ERG: variants seen among roughly 807,000 people sequenced by gnomAD.
The protein encoded by ERG is transcriptional regulator ERG.
Under a neutral mutation model 55.3 loss-of-function variants are expected in ERG, and 9 were observed. That is an observed-to-expected ratio of 0.16 (90% CI 0.10 to 0.28). The LOEUF (loss-of-function observed/expected upper bound fraction) is 0.28. ERG is among the 10% of genes least tolerant of loss of function. The pLI, the probability that ERG is intolerant of heterozygous loss-of-function variation, is 1.00. For missense variants in ERG, 434 were observed against 631.6 expected (o/e 0.69, Z 3.35); for synonymous variants, 223 against 237.3 (o/e 0.94, Z 0.55).
chr21:38,660,297 C>T (rs2060544413), intron 1 of ERG, among the ~76,000 whole-genome samples: 2 of 152,238 alleles, frequency 1.3e-5, no homozygotes, highest in African/African-American at 4.8e-5. Flanking sequence ...TTGTCAATTT[C>T]GGGGTGCCCC....
rs75897329 is a variant in ERG at position 38,659,972 on chromosome 21, A to G, written c.-150+1686T>C. 8.9e-3 allele frequency among the ~76,000 whole-genome samples: 1,356 copies of G among 152,326 alleles called. 18 individuals carry two copies. Among genetic ancestry groups the G allele is most frequent in the African/African-American group, 0.031 (1,286 of 41,558 alleles). On this transcript the variant is annotated intron_variant, in intron 1 of 10. Coordinates refer to the ERG transcript ENST00000398910. Reference sequence around the variant, plus strand: ...AATTAGGGTGGTAAACTGGAGGCAAATAAACTTAACAGCTGCAGGCTGAAG... The same window carrying G: ...AATTAGGGTGGTAAACTGGAGGCAAGTAAACTTAACAGCTGCAGGCTGAAG...
chr21:38,400,103 C>T (rs1988415342), intron 6 of ERG: 2 of 322,226 alleles, frequency 6.2e-6, no homozygotes, highest in Non-Finnish European at 1.2e-5. Flanking sequence ...AATTTATTAC[C>T]TAATTAAATC....
In ERG at chr21:38,616,862, T is replaced by C. The variant is rs375326952; in HGVS notation, c.-149-31917A>G. The stretch of plus-strand genomic sequence containing the variant: ...TTAAATACAGTTCAGTTTTGATTGC[T>C]GAAATTTTCTTGGAGCCAAGGGATT... On this transcript the variant is annotated intron_variant, in intron 1 of 10. Transcript: ENST00000398910. 4.6e-5 allele frequency among the ~76,000 whole-genome samples: 7 copies of C among 152,318 alleles called. No individual in the cohort carries two copies. In the East Asian group the frequency reaches 5.8e-4, roughly 13 times the overall value.
intron 6 of ERG, among the ~76,000 whole-genome samples, chr21:38,399,654 G>C (rs371039238): frequency 6.6e-6 from 1 of 152,118 alleles, no homozygotes; most frequent in African/African-American, 2.4e-5. Flanking sequence ...CTCATTATTC[G>C]TCTGGCAAAC....
intron 1 of ERG, among the ~76,000 whole-genome samples, chr21:38,632,262 G>A (rs1430342959): frequency 6.6e-6 from 1 of 152,130 alleles, no homozygotes; most frequent in African/African-American, 2.4e-5. Context: ...ACAAGCATAT[G>A]AAAAGATGCT....
chr21:38,630,618 G>C (rs534430918), intron 1 of ERG, among the ~76,000 whole-genome samples: 1 of 152,338 alleles, frequency 6.6e-6, no homozygotes, highest in African/African-American at 2.4e-5. Context: ...TGTTGACTTT[G>C]TTCTGGGCAC....
At chr21:38,571,049 C>A (rs913314462) in intron 2 of ERG, among the ~76,000 whole-genome samples, 3 of 152,114 alleles carry the variant, frequency 2.0e-5, no homozygotes, top group Non-Finnish European at 4.4e-5. Context: ...GAATTAATGA[C>A]AAAAATATTT....
At chr21:38,580,022 G>A (rs189817450) in intron 1 of ERG, among the ~76,000 whole-genome samples, 13 of 152,156 alleles carry the variant, frequency 8.5e-5, no homozygotes, top group Non-Finnish European at 1.3e-4. Flanking sequence ...GGATTTCACC[G>A]TGTTAGCCAG....
At chr21:38,397,522 C>T (rs1169823316) in intron 6 of ERG, among the ~76,000 whole-genome samples, 3 of 133,658 alleles carry the variant, frequency 2.2e-5, no homozygotes, top group African/African-American at 5.5e-5. Context: ...CACTTGAACT[C>T]GGGAGGCAGA....
At chr21:38,659,165 C>T (rs1041648958) in intron 1 of ERG, among the ~76,000 whole-genome samples, 2 of 152,154 alleles carry the variant, frequency 1.3e-5, no homozygotes, top group Non-Finnish European at 2.9e-5. Context: ...TGACCCAAAC[C>T]GAAGCTAGGA....
chr21:38,389,647 GC>G (rs1268140944), intron 9 of ERG, among the ~76,000 whole-genome samples: 1 of 150,924 alleles, frequency 6.6e-6, no homozygotes, highest in Admixed American at 6.7e-5. Context: ...CTAGATGAAA[GC>G]CAGCATGAGC....
At chr21:38,579,742 G>A (rs1168964757) in intron 1 of ERG, among the ~76,000 whole-genome samples, 5 of 151,972 alleles carry the variant, frequency 3.3e-5, no homozygotes, top group South Asian at 2.1e-4. Flanking sequence ...CCAGCTCAGC[G>A]AAAACCCAAC....
chr21:38,661,197 C>A (rs1291854414), intron 1 of ERG, among the ~76,000 whole-genome samples: 1 of 151,454 alleles, frequency 6.6e-6, no homozygotes, highest in African/African-American at 2.4e-5. Flanking sequence ...GGAGGGGGAG[C>A]CGCGGGGGTG....
At chr21:38,534,439 T>TA (rs1326173015) in intron 2 of ERG, among the ~76,000 whole-genome samples, 3 of 152,300 alleles carry the variant, frequency 2.0e-5, no homozygotes, top group South Asian at 4.1e-4. Flanking sequence ...AGAATTATTT[T>TA]AAAAAAGCAT....
At chr21:38,424,651 G>C (rs764504162) in intron 2 of ERG, among the ~76,000 whole-genome samples, 1 of 152,182 alleles carries the variant, frequency 6.6e-6, no homozygotes, top group Non-Finnish European at 1.5e-5. Context: ...TGCTCAGTGA[G>C]GTTTATCCTG....
chr21:38,600,933 A>AC (rs992840399), intron 1 of ERG, among the ~76,000 whole-genome samples: 7 of 151,636 alleles, frequency 4.6e-5, no homozygotes, highest in Admixed American at 1.3e-4. Flanking sequence ...CATGCATCTA[A>AC]CCCCCCCTGG....
intron 1 of ERG, among the ~76,000 whole-genome samples, chr21:38,484,837 G>GT (rs2059268806): frequency 6.6e-6 from 1 of 152,090 alleles, no homozygotes. Flanking sequence ...ACATGTTTTT[G>GT]GTGGTGCTGG....
chr21:38,446,401 T>A (rs1033376602), intron 1 of ERG, among the ~76,000 whole-genome samples: 14 of 152,326 alleles, frequency 9.2e-5, no homozygotes, highest in African/African-American at 2.9e-4. Flanking sequence ...CATTGTTGGA[T>A]CAATCATTTT....
At chr21:38,420,944 G>A (rs1283627237) in intron 3 of ERG, among the ~76,000 whole-genome samples, 1 of 152,178 alleles carries the variant, frequency 6.6e-6, no homozygotes, top group Non-Finnish European at 1.5e-5. Context: ...GGAGGGCAAA[G>A]GGTGAGATGG....
Sources: allele counts gnomAD v4.1 joint callset (sites outside exome capture counted in the v4.1 genomes callset), GRCh38; gene constraint gnomAD v4.1.1; transcripts MANE v1.5; gene names NCBI Gene and HGNC (gene_info 2026-07-23, HGNC 2026-07-21).